Variants in SLC9A3 observed in about 807,000 individuals in gnomAD.
The protein encoded by SLC9A3 is sodium/hydrogen exchanger 3.
A neutral mutation model predicts 86.8 loss-of-function variants in SLC9A3; 37 were observed. That is an observed-to-expected ratio of 0.43 (90% CI 0.33 to 0.56). The LOEUF (loss-of-function observed/expected upper bound fraction) is 0.56. Ranked by LOEUF, SLC9A3 falls within the 20% of genes least tolerant of loss-of-function variation. The pLI is 0.06. For synonymous variants in SLC9A3, 581 were observed against 528.3 expected, an observed-to-expected ratio of 1.10 and a Z score of -1.37; for missense variants, 1,011 against 1,171.9, an observed-to-expected ratio of 0.86 and a Z score of 2.00.
In SLC9A3 at chr5:471,477, A is replaced by G; in HGVS notation, c.*1902T>C. ...TCCTCTGGCCACCCGGAAACCTCCC[A>G]GCAGTTCAGATGGGACAAACTGGGG... On this transcript the variant is annotated 3_prime_UTR_variant, in exon 17 of 17. Coordinates refer to ENST00000264938, the MANE Select transcript of SLC9A3 (RefSeq NM_004174.4). The G allele has an allele frequency of 3.0e-6, 1 of 338,750 alleles. No homozygotes were observed. The highest frequency in any genetic ancestry group is 4.2e-5 in the Admixed American group (1 of 23,962). The allele number at this position is 338,750 out of a possible 1,614,324, so 21.0% of individuals were successfully genotyped here.
At chr5:495,058 A>G (rs1000476907) in intron 1 of SLC9A3, among the ~76,000 whole-genome samples, 6 of 151,748 alleles carry the variant, frequency 4.0e-5, no homozygotes, top group Non-Finnish European at 8.8e-5. Context: ...CTTTGAGGAT[A>G]AAATCCAGCG....
chr5:512,823 C>T (rs991436096), intron 1 of SLC9A3, among the ~76,000 whole-genome samples: 26 of 152,158 alleles, frequency 1.7e-4, no homozygotes, highest in African/African-American at 6.0e-4. Flanking sequence ...TGGCGGAGCC[C>T]AGGCTGCGGC....
At chr5:508,071 G>A (rs1189317006) in intron 1 of SLC9A3, among the ~76,000 whole-genome samples, 1 of 152,178 alleles carries the variant, frequency 6.6e-6, no homozygotes, top group Non-Finnish European at 1.5e-5. Flanking sequence ...GCTTCTTGGC[G>A]CCCGCCCCTC....
Position 497,771 on chromosome 5 carries a change from C to T in SLC9A3, c.212-5700G>A, listed in dbSNP as rs1450586517. Among the ~76,000 whole-genome samples, 511 of 83,638 alleles carry T rather than the reference C, an allele frequency of 6.1e-3. 13 individuals carry two copies. The highest frequency in any genetic ancestry group is 0.018 in the African/African-American group (355 of 19,562). 54.9% of individuals were successfully genotyped at this position (83,638 alleles called of 152,430 possible). On this transcript the variant is annotated intron_variant, in intron 1 of 16. Coordinates refer to ENST00000264938, the MANE Select transcript of SLC9A3 (RefSeq NM_004174.4). This position sits in a 1 kb window ranked among gnomAD's most constrained non-coding sequence, Gnocchi z 5.4. ...TCTGCCCCTGTCCCGGGTGGGGTCGCCCGGCCGCATCCCCAGCCTCTGCCC... is the reference window on the plus strand; with the variant it reads ...TCTGCCCCTGTCCCGGGTGGGGTCGTCCGGCCGCATCCCCAGCCTCTGCCC...
At chr5:474,781 G>A in intron 16 of SLC9A3, 102 bp downstream of exon 16, 1 of 288,080 alleles carries the variant, frequency 3.5e-6, no homozygotes, top group Non-Finnish European at 6.1e-6. Flanking sequence ...CTGCGGAGAG[G>A]GGTTAGGCGG....
intron 1 of SLC9A3, among the ~76,000 whole-genome samples, chr5:522,477 C>T (rs923831189): frequency 6.6e-6 from 1 of 152,174 alleles, no homozygotes; most frequent in Non-Finnish European, 1.5e-5. Context: ...TAGATATTCA[C>T]GGCCGGGCGC....
rs368312658 is a variant in SLC9A3 at position 501,903 on chromosome 5, C to T, written c.212-9832G>A. On this transcript the variant is annotated intron_variant, in intron 1 of 16. Transcript: ENST00000264938. Reference sequence around the variant, plus strand: ...TCAGGTTGGCGTGGGACAGGGGAGCCGGCTCCCGGGGGCCACGCAGGAAGC... The same window carrying T: ...TCAGGTTGGCGTGGGACAGGGGAGCTGGCTCCCGGGGGCCACGCAGGAAGC... Among the ~76,000 whole-genome samples the T allele has an allele frequency of 8.7e-4, 132 of 152,058 alleles. 13 individuals are homozygous for T. In the East Asian group the frequency reaches 0.013, roughly 15 times the overall value.
rs138694174 is a variant in SLC9A3, at chr5:496,421, G to A, written c.212-4350C>T. Among the ~76,000 whole-genome samples the A allele has an allele frequency of 1.3e-5, 2 of 152,336 alleles. No homozygotes were observed. The highest frequency in any genetic ancestry group is 1.9e-4 in the East Asian group (1 of 5,182). On this transcript the variant is annotated intron_variant, in intron 1 of 16. Transcript: ENST00000264938. The surrounding 1 kb of genome is among the most constrained non-coding windows in gnomAD (Gnocchi z 4.7). ...GCCTCTGACGACCTGTGGGTGACGC[G>A]TGAACGACCCCGTTCTGTGAAAGTG...
intron 8 of SLC9A3, 71 bp from the exon 9 acceptor site, chr5:481,706 T>TG (rs1739176386): frequency 1.4e-5 from 19 of 1,323,562 alleles, no homozygotes; most frequent in Non-Finnish European, 2.0e-5. Flanking sequence ...CCTCCACTCC[T>TG]GGCCCAGCCC....
At chr5:493,577 C>T (rs1451530284) in intron 1 of SLC9A3, among the ~76,000 whole-genome samples, 6 of 152,258 alleles carry the variant, frequency 3.9e-5, no homozygotes, top group African/African-American at 9.6e-5. Context: ...CCAAATACCA[C>T]GGGTGGCATG....
At chr5:476,422 A>T in intron 12 of SLC9A3, 44 bp from the exon 13 acceptor site, 1 of 1,609,578 alleles carries the variant, frequency 6.2e-7, no homozygotes, top group African/African-American at 1.3e-5. Context: ...CCACCGCCGG[A>T]CATTCTCGCC....
Position 497,986 on chromosome 5 carries a change from T to C in SLC9A3, c.212-5915A>G, listed in dbSNP as rs56185908. ...GAAGCCTTAGCCTCGCTTGTGGGAG[T>C]CCCTGCCTCACGGATGCCGGCCTCC... On this transcript the variant is annotated intron_variant, in intron 1 of 16. Transcript: ENST00000264938. This position sits in a 1 kb window ranked among gnomAD's most constrained non-coding sequence, Gnocchi z 5.4. Among the ~76,000 whole-genome samples, 1,734 of 127,366 alleles carry C rather than the reference T, an allele frequency of 0.014. 74 individuals carry two copies. Among genetic ancestry groups the C allele is most frequent in the South Asian group, 0.056 (201 of 3,600 alleles). 83.6% of individuals were successfully genotyped at this position (127,366 alleles called of 152,430 possible). A position where few individuals can be genotyped will look rare whatever the true frequency, so the allele number is the denominator to read the frequency against.
rs62641920 is a variant in SLC9A3 at position 474,395 on chromosome 5, G to A, written c.2501+488C>T. Among the ~76,000 whole-genome samples the A allele has an allele frequency of 2.6e-3, 36 of 13,914 alleles. 1 individual carries two copies. Among genetic ancestry groups the A allele is most frequent in the South Asian group, 3.8e-3 (1 of 260 alleles). 9.1% of individuals were successfully genotyped at this position (13,914 alleles called of 152,430 possible). ...CTGCGGAGAGGGGTTAGGCGGGGAG[G>A]GAGAGAGAGAACCAGGTTCAGGTCC... On this transcript the variant is annotated intron_variant, in intron 16 of 16. Coordinates refer to ENST00000264938, the MANE Select transcript of SLC9A3 (RefSeq NM_004174.4).
At position 491,539 on chromosome 5, in the gene SLC9A3, G is replaced by C. The variant is rs1275498593; in HGVS notation, c.514+230C>G. Among the ~76,000 whole-genome samples the C allele has an allele frequency of 6.6e-6, 1 of 151,894 alleles. No homozygotes were observed. The highest frequency in any genetic ancestry group is 1.5e-5 in the Non-Finnish European group (1 of 67,950). ...TGGCCACCTGCAGCCCCCAAGCCGA[G>C]CTGCCGAGATGGGAACTCCTCCCCA... On this transcript the variant is annotated intron_variant, in intron 2 of 16. Coordinates refer to ENST00000264938, the MANE Select transcript of SLC9A3 (RefSeq NM_004174.4). The surrounding 1 kb of genome is among the most constrained non-coding windows in gnomAD (Gnocchi z 9.2).
intron 14 of SLC9A3, 86 bp downstream of exon 14, chr5:475,918 CAGAGGGGAAGGTCCTG>C (rs1738696932): frequency 1.3e-5 from 14 of 1,073,260 alleles, no homozygotes; most frequent in Middle Eastern, 5.9e-4. Context: ...GGAGGGTCCC[CAGAGGGGAAGGTCCTG>C]AGAGGGGAGG....
At chr5:502,182 G>C (rs560457594) in intron 1 of SLC9A3, among the ~76,000 whole-genome samples, 136 of 152,358 alleles carry the variant, frequency 8.9e-4, no homozygotes, top group African/African-American at 3.1e-3. Context: ...CAACCGCGCT[G>C]GGGCAAAATG....
In SLC9A3 at chr5:496,141, G is replaced by A. The variant is rs1052725666; in HGVS notation, c.212-4070C>T. ...AAAATATACATATATACGCACAAAC[G>A]CCGCATAGGTGGGAGGGCGGCGGTT... is the stretch of plus-strand genomic sequence containing the variant. On this transcript the variant is annotated intron_variant, in intron 1 of 16. Coordinates refer to ENST00000264938, the MANE Select transcript of SLC9A3 (RefSeq NM_004174.4). The surrounding 1 kb of genome is among the most constrained non-coding windows in gnomAD (Gnocchi z 4.7). 5.6e-4 allele frequency among the ~76,000 whole-genome samples: 85 copies of A among 152,364 alleles called. No individual in the cohort carries two copies. The highest frequency in any genetic ancestry group is 3.4e-3 in the Middle Eastern group (1 of 294).
At chr5:502,052 T>A (rs1740302364) in intron 1 of SLC9A3, among the ~76,000 whole-genome samples, 1 of 152,264 alleles carries the variant, frequency 6.6e-6, no homozygotes, top group Non-Finnish European at 1.5e-5. Context: ...CACAAGGCGT[T>A]TTACACATTG....
At chr5:486,201 C>T (rs1739453479) in intron 3 of SLC9A3, among the ~76,000 whole-genome samples, 1 of 152,014 alleles carries the variant, frequency 6.6e-6, no homozygotes, top group South Asian at 2.1e-4. Flanking sequence ...CCTCCGGCTG[C>T]GTCTGCAGGG....
Sources: gnomAD v4.1 joint callset for allele counts (sites outside exome capture counted in the v4.1 genomes callset) on GRCh38, gnomAD v4.1.1 for gene constraint, Gnocchi (gnomAD v3.1) non-coding constraint, MANE v1.5 for transcripts, NCBI Gene and HGNC (gene_info 2026-07-23, HGNC 2026-07-21) for gene names.